Variants in CGNL1 observed in about 807,000 individuals in gnomAD.
The protein encoded by CGNL1 is cingulin-like protein 1.
Under a neutral mutation model 141.2 loss-of-function variants are expected in CGNL1, and 132 were observed. The observed-to-expected ratio is 0.93, with a 90% CI of 0.81 to 1.08. The LOEUF (loss-of-function observed/expected upper bound fraction) is 1.08. CGNL1 is among the 50% of genes least tolerant of loss of function. The pLI is 0.00. For missense variants in CGNL1, 1,870 were observed against 1,588.6 expected (o/e 1.18, Z -3.01); for synonymous variants, 690 against 622.1 (o/e 1.11, Z -1.63).
chr15:57,546,118 G>T lies in CGNL1; in HGVS notation c.3652G>T (p.Ala1218Ser), dbSNP rs1012778570. 2.5e-6 allele frequency: 4 copies of T among 1,613,992 alleles called. No individual in the cohort carries two copies. In the East Asian group the frequency reaches 6.7e-5, roughly 27 times the overall value. Residue 1218 changes from alanine to serine, a missense_variant, in exon 18 of 19, where the codon GCT (alanine) becomes TCT (serine). Transcript: ENST00000281282. ...LKAMKRQVEE[A>S]EEEIDRLESS... ...AGCCATGAAGCGGCAGGTGGAGGAG[G>T]CTGAGGAGGAAATCGACAGACTGGA...
In CGNL1 at chr15:57,528,747, C is replaced by T. The variant is rs1260783242; in HGVS notation, c.3133C>T (p.Leu1045=). 1 of 1,614,144 alleles carries T rather than the reference C, an allele frequency of 6.2e-7. No homozygotes were observed. ...GCTTCTGGAGCAGACGCTGAAGGAC[C>T]TGGAGTATGAGCTGGAAGCCAAGAG... ...RQLLEQTLKD[L]EYELEAKSHL... The change falls in exon 13 of 19, where the codon CTG becomes TTG. Residue 1045 remains leucine, a synonymous_variant. Coordinates refer to ENST00000281282, the MANE Select transcript of CGNL1 (RefSeq NM_032866.5).
intron 1 of CGNL1, among the ~76,000 whole-genome samples, chr15:57,390,192 G>C (rs543171728): frequency 6.6e-6 from 1 of 152,318 alleles, no homozygotes; most frequent in African/African-American, 2.4e-5. Context: ...GTTTGGTTGA[G>C]CCAGGCTGTG....
chr15:57,501,751 G>A (rs2064028156), intron 8 of CGNL1, among the ~76,000 whole-genome samples: 1 of 152,148 alleles, frequency 6.6e-6, no homozygotes, highest in South Asian at 2.1e-4. Flanking sequence ...GTTATTGGAG[G>A]CCCCTAGATG....
Position 57,439,018 on chromosome 15 carries a change from G to T in CGNL1, c.1019G>T (p.Gly340Val). 6.2e-7 allele frequency: 1 copy of T among 1,614,208 alleles called. No individual in the cohort carries two copies. The highest frequency in any genetic ancestry group is 8.5e-7 in the Non-Finnish European group (1 of 1,180,038). The change falls in exon 2 of 19, where the codon GGA (glycine) becomes GTA (valine). Residue 340 changes from glycine (G) to valine (V), a missense_variant. Gly to Val is a moderately radical substitution (Grantham distance 109, BLOSUM62 -3). Coordinates refer to ENST00000281282, the MANE Select transcript of CGNL1 (RefSeq NM_032866.5). ...ENRRYIPFLPGTGRDIDTGSI... is the reference protein window; with the variant it reads ...ENRRYIPFLPVTGRDIDTGSI... ...AGAAGGTATATTCCCTTCCTGCCAG[G>T]AACTGGACGGGATATTGATACAGGA...
intron 14 of CGNL1, among the ~76,000 whole-genome samples, chr15:57,536,553 A>G (rs4774958): frequency 0.35 from 52,619 of 152,152 alleles, 9,864 homozygotes; most frequent in Middle Eastern, 0.46. Context: ...TTCTCACCCA[A>G]GTATAGTCCC....
chr15:57,400,125 T>G (rs2062643709), intron 1 of CGNL1, among the ~76,000 whole-genome samples: 1 of 151,974 alleles, frequency 6.6e-6, no homozygotes, highest in South Asian at 2.1e-4. Flanking sequence ...TCTCGAGTAG[T>G]TGGGAGTAGA....
intron 6 of CGNL1, among the ~76,000 whole-genome samples, chr15:57,452,513 T>A (rs541259047): frequency 6.6e-6 from 1 of 152,316 alleles, no homozygotes; most frequent in South Asian, 2.1e-4. Context: ...CACCTTGAAG[T>A]ATACGTTACA....
At chr15:57,460,334 G>A (rs188809439) in intron 7 of CGNL1, among the ~76,000 whole-genome samples, 5 of 152,346 alleles carry the variant, frequency 3.3e-5, no homozygotes, top group Admixed American at 3.3e-4. Flanking sequence ...AGATTAAGGA[G>A]TGAATGGGCA....
At position 57,543,753 on chromosome 15, in the gene CGNL1, T is replaced by G. The variant is rs779772613; in HGVS notation, c.3349T>G (p.Cys1117Gly). Residue 1117 changes from cysteine (C) to glycine (G), a missense_variant, in exon 15 of 19, where the codon TGC (cysteine) becomes GGC (glycine). Cys to Gly is a radical substitution (Grantham distance 159). Coordinates refer to ENST00000281282, the MANE Select transcript of CGNL1 (RefSeq NM_032866.5). ...GAGAGCTGCGAGACAAGACTTGGAG[T>G]GCGACAAGATTTCCCTGGAGAGGCA... is the stretch of plus-strand genomic sequence containing the variant. ...QERAARQDLE[C>G]DKISLERQNK... 6.2e-7 allele frequency: 1 copy of G among 1,613,942 alleles called. No individual in the cohort carries two copies. Among genetic ancestry groups the G allele is most frequent in the Non-Finnish European group, 8.5e-7 (1 of 1,179,944 alleles).
intron 8 of CGNL1, among the ~76,000 whole-genome samples, chr15:57,515,453 A>G (rs1339981176): frequency 6.6e-6 from 1 of 152,206 alleles, no homozygotes; most frequent in Non-Finnish European, 1.5e-5. Flanking sequence ...CTTCTCCCAC[A>G]TGGTCGGTGA....
intron 1 of CGNL1, among the ~76,000 whole-genome samples, chr15:57,385,977 C>T (rs1394765847): frequency 6.6e-6 from 1 of 152,212 alleles, no homozygotes; most frequent in Non-Finnish European, 1.5e-5. Flanking sequence ...CATCTCTGAT[C>T]CAAGGGAGCT....
Position 57,440,426 on chromosome 15 carries a change from A to T in CGNL1, c.1652A>T (p.Asn551Ile). ...KGQQELTQQTNEETAKQILYN... is the reference protein window; with the variant it reads ...KGQQELTQQTIEETAKQILYN... ...CAGCAAGAGCTCACTCAGCAAACCA[A>T]TGAGGAGACAGCTAAGCAGATTCTC... Residue 551 changes from asparagine to isoleucine, a missense_variant, in exon 3 of 19, where the codon AAT (asparagine) becomes ATT (isoleucine). Transcript: ENST00000281282. 6.2e-7 allele frequency: 1 copy of T among 1,602,496 alleles called. No individual in the cohort carries two copies. The highest frequency in any genetic ancestry group is 8.5e-7 in the Non-Finnish European group (1 of 1,173,848).
intron 4 of CGNL1, among the ~76,000 whole-genome samples, chr15:57,450,628 A>G (rs1208774158): frequency 6.6e-6 from 1 of 152,190 alleles, no homozygotes; most frequent in Non-Finnish European, 1.5e-5. Context: ...TGCTTATAAA[A>G]TTTTATTGTG....
At chr15:57,539,739 C>T (rs1351861402) in intron 14 of CGNL1, among the ~76,000 whole-genome samples, 2 of 152,230 alleles carry the variant, frequency 1.3e-5, no homozygotes, top group African/African-American at 2.4e-5. Flanking sequence ...ATTCTCCCTG[C>T]CTCCCCTGAC....
intron 4 of CGNL1, among the ~76,000 whole-genome samples, chr15:57,445,742 G>C (rs78368571): frequency 7.2e-4 from 109 of 152,254 alleles, no homozygotes; most frequent in African/African-American, 2.6e-3. Context: ...CCAAGATGCC[G>C]CCGTTTCTAG....
intron 1 of CGNL1, among the ~76,000 whole-genome samples, chr15:57,378,371 T>G (rs1372117565): frequency 5.1e-4 from 50 of 98,414 alleles, no homozygotes; most frequent in Middle Eastern, 9.2e-3. Context: ...GTGTTTTTTT[T>G]TTTTTTTTTT....
At position 57,447,805 on chromosome 15, in the gene CGNL1, CGTGTGTGTGTGT is replaced by C. The variant is rs3985737; in HGVS notation, c.1804-3666_1804-3655del. Among the ~76,000 whole-genome samples the C allele has an allele frequency of 5.3e-3, 772 of 144,458 alleles. 5 individuals carry two copies. The highest frequency in any genetic ancestry group is 0.018 in the African/African-American group (703 of 39,520). The allele number at this position is 144,458 out of a possible 152,430, so 94.8% of individuals were successfully genotyped here. A position where few individuals can be genotyped will look rare whatever the true frequency, so the allele number is the denominator to read the frequency against. ...TCTTGTGCTCTATTCTCTCTCTTTT[CGTGTGTGTGTGT>C]GTGTGTGTGTGTGTGTGTGTGTGTG... is the stretch of plus-strand genomic sequence containing the variant. On this transcript the variant is annotated intron_variant, in intron 4 of 18. Transcript: ENST00000281282.
intron 1 of CGNL1, among the ~76,000 whole-genome samples, chr15:57,429,056 A>G (rs2063013747): frequency 6.6e-6 from 1 of 151,790 alleles, no homozygotes; most frequent in Non-Finnish European, 1.5e-5. Context: ...AAAAAAGTGC[A>G]GCTGCACAGT....
intron 8 of CGNL1, among the ~76,000 whole-genome samples, chr15:57,473,883 TCTTCTTCTTCTTCTTC>T (rs2063614662): frequency 9.1e-6 from 1 of 109,612 alleles, no homozygotes; most frequent in African/African-American, 3.3e-5. Flanking sequence ...CACTTCTTCT[TCTTCTTCTTCTTCTTC>T]TTTTTTTTTT....
Sources: gnomAD v4.1 joint callset for allele counts (sites outside exome capture counted in the v4.1 genomes callset) on GRCh38, gnomAD v4.1.1 for gene constraint, MANE v1.5 for transcripts, NCBI Gene and HGNC (gene_info 2026-07-23, HGNC 2026-07-21) for gene names.